PCDHA11: variants seen among roughly 807,000 people sequenced by gnomAD.
The protein encoded by PCDHA11 is protocadherin alpha-11.
Under a neutral mutation model 70.3 loss-of-function variants are expected in PCDHA11, and 61 were observed. The ratio of observed to expected loss-of-function variants is 0.87; its 90% CI spans 0.71 to 1.07. PCDHA11 has a LOEUF of 1.07. Ranked by LOEUF, PCDHA11 falls within the 50% of genes least tolerant of loss-of-function variation. The pLI, the probability that PCDHA11 is intolerant of heterozygous loss-of-function variation, is 0.00. For synonymous variants in PCDHA11, 633 were observed against 555.1 expected (o/e 1.14, Z -1.97); for missense variants, 1,324 against 1,237.5 (o/e 1.07, Z -1.05).
rs202010088 is a variant in PCDHA11 at position 140,869,201 on chromosome 5, A to G, written c.98A>G (p.Tyr33Cys). The change falls in exon 1 of 4, where the codon TAC (tyrosine) becomes TGC (cysteine). Residue 33 changes from tyrosine to cysteine, a missense_variant. By Grantham distance (194) the Tyr-to-Cys change is radical. Transcript: ENST00000398640. Reference protein sequence around the residue: ...FWEVGSGQLHYSVSEEAKHGT... With the variant: ...FWEVGSGQLHCSVSEEAKHGT... ...GAGGTGGGGAGCGGCCAGCTCCACTACTCCGTCTCGGAGGAGGCCAAACAC... is the reference window on the plus strand; with the variant it reads ...GAGGTGGGGAGCGGCCAGCTCCACTGCTCCGTCTCGGAGGAGGCCAAACAC... 1.3e-3 allele frequency: 2,112 copies of G among 1,612,868 alleles called. 36 individuals carry two copies. The highest frequency in any genetic ancestry group is 1.6e-3 in the Admixed American group (96 of 59,934).
Position 141,010,329 on chromosome 5 carries a change from G to A in PCDHA11, c.*392G>A. The A allele has an allele frequency of 6.5e-7, 1 of 1,538,672 alleles. No individual in the cohort carries two copies. Among genetic ancestry groups the A allele is most frequent in the Non-Finnish European group, 8.8e-7 (1 of 1,142,532 alleles). On this transcript the variant is annotated 3_prime_UTR_variant, in exon 4 of 4. Transcript: ENST00000398640. ...AGTTTTGAGATTGAGCAGCTTGGGA[G>A]TTTGTGGCCACTGGGTATGTGTGGC...
intron 2 of PCDHA11, among the ~76,000 whole-genome samples, chr5:140,979,626 A>T (rs2096859120): frequency 2.0e-5 from 3 of 152,204 alleles, no homozygotes; most frequent in Non-Finnish European, 4.4e-5. Flanking sequence ...TTAGTCTAAG[A>T]CTCAGATTAA....
intron 1 of PCDHA11, among the ~76,000 whole-genome samples, chr5:140,921,037 T>C (rs2079983245): frequency 1.3e-5 from 2 of 151,986 alleles, no homozygotes; most frequent in Admixed American, 1.3e-4. Context: ...TGGGGTGCAG[T>C]GGGGCAATCA....
At position 140,884,772 on chromosome 5, in the gene PCDHA11, T is replaced by G. The variant is rs563372954; in HGVS notation, c.2391+13278T>G. 1.9e-5 allele frequency: 27 copies of G among 1,409,818 alleles called. No homozygotes were observed. In the African/African-American group the frequency reaches 3.6e-4, roughly 19 times the overall value. The allele number at this position is 1,409,818 out of a possible 1,614,324, so 87.3% of individuals were successfully genotyped here. On this transcript the variant is annotated intron_variant, in intron 1 of 3. Transcript: ENST00000398640. Reference sequence around the variant, plus strand: ...TTCAAATTATTCTTTACTTTAATTTTAATTTTGCTAGTTGTTATCGAATTT... The same window carrying G: ...TTCAAATTATTCTTTACTTTAATTTGAATTTTGCTAGTTGTTATCGAATTT...
At chr5:140,880,173 C>T (rs2058257400) in intron 1 of PCDHA11, among the ~76,000 whole-genome samples, 1 of 152,006 alleles carries the variant, frequency 6.6e-6, no homozygotes, top group Non-Finnish European at 1.5e-5. Context: ...AGAAGTTAAA[C>T]ATGAAGGGAA....
chr5:140,909,493 G>A (rs989826667), intron 1 of PCDHA11, among the ~76,000 whole-genome samples: 2 of 152,184 alleles, frequency 1.3e-5, no homozygotes, highest in African/African-American at 4.8e-5. Context: ...AGAGCTGAAC[G>A]GGGATGTGGT....
Position 141,010,149 on chromosome 5 carries a change from C to T in PCDHA11, c.*212C>T. 6.3e-7 allele frequency: 1 copy of T among 1,580,088 alleles called. No individual in the cohort carries two copies. Among genetic ancestry groups the T allele is most frequent in the Non-Finnish European group, 8.6e-7 (1 of 1,161,942 alleles). On this transcript the variant is annotated 3_prime_UTR_variant, in exon 4 of 4. Transcript: ENST00000398640. ...GTCTGGTGTTAACTCTTTCTCTCCA[C>T]TCTGGCTTGTTTTCAGAACCTAAAA...
intron 1 of PCDHA11, chr5:140,929,943 A>C (rs996777609): frequency 1.3e-5 from 2 of 152,224 alleles, no homozygotes; most frequent in African/African-American, 4.8e-5. Flanking sequence ...TCTCTAGCCT[A>C]TACTTTTAAT....
intron 1 of PCDHA11, among the ~76,000 whole-genome samples, chr5:140,878,707 A>C (rs1450914173): frequency 2.0e-5 from 3 of 152,232 alleles, no homozygotes; most frequent in Non-Finnish European, 4.4e-5. Context: ...GCCTGGTAGT[A>C]AAGGCATTAA....
In PCDHA11 at chr5:140,868,995, A is replaced by G. The variant is rs944875255; in HGVS notation, c.-109A>G. On this transcript the variant is annotated 5_prime_UTR_variant, in exon 1 of 4. Transcript: ENST00000398640. ...CCATCATACCGGATGCCACCGTTTA[A>G]GGATCCTTTGAAACTTCTTAAGAAT... is the stretch of plus-strand genomic sequence containing the variant. 4.0e-6 allele frequency: 6 copies of G among 1,516,046 alleles called. No individual in the cohort carries two copies. The highest frequency in any genetic ancestry group is 5.3e-6 in the Non-Finnish European group (6 of 1,134,614). The allele number at this position is 1,516,046 out of a possible 1,614,324, so 93.9% of individuals were successfully genotyped here. A position where few individuals can be genotyped will look rare whatever the true frequency, so the allele number is the denominator to read the frequency against.
intron 1 of PCDHA11, chr5:140,927,088 T>C (rs1554204002): frequency 6.2e-7 from 1 of 1,612,662 alleles, no homozygotes; most frequent in Admixed American, 1.7e-5. Context: ...CGAGCTCTAC[T>C]TCGGGGTGGA....
At chr5:140,906,796 T>C (rs1021322398) in intron 1 of PCDHA11, among the ~76,000 whole-genome samples, 1 of 152,236 alleles carries the variant, frequency 6.6e-6, no homozygotes, top group African/African-American at 2.4e-5. Context: ...ATTCCATGCA[T>C]ACTCTTCCTT....
intron 1 of PCDHA11, chr5:140,882,155 T>C (rs1317545188): frequency 1.3e-6 from 2 of 1,504,050 alleles, no homozygotes; most frequent in Admixed American, 2.3e-5. Flanking sequence ...GAAAGCGGAA[T>C]ACCTCTTGCG....
At chr5:140,929,014 C>T (rs1554206582) in intron 1 of PCDHA11, 5 of 1,614,110 alleles carry the variant, frequency 3.1e-6, no homozygotes, top group Non-Finnish European at 4.2e-6. Flanking sequence ...TACCAAGTTG[C>T]ACCAGAGCCC....
intron 3 of PCDHA11, among the ~76,000 whole-genome samples, chr5:141,007,690 C>T (rs2098341020): frequency 6.6e-6 from 1 of 152,224 alleles, no homozygotes; most frequent in Non-Finnish European, 1.5e-5. Flanking sequence ...CCTACTTCCA[C>T]CTCCCTCCTC....
At chr5:140,945,762 G>A (rs570176768) in intron 1 of PCDHA11, among the ~76,000 whole-genome samples, 122 of 152,196 alleles carry the variant, frequency 8.0e-4, no homozygotes, top group South Asian at 2.3e-3. Context: ...ATGGTGGTGG[G>A]ACAATTTGAT....
chr5:140,966,918 A>T, intron 1 of PCDHA11: 1 of 1,602,744 alleles, frequency 6.2e-7, no homozygotes. Flanking sequence ...GTGCCAGAGG[A>T]GCAGGCACCC....
chr5:140,999,995 A>G (rs1174530266), intron 3 of PCDHA11, among the ~76,000 whole-genome samples: 1 of 152,068 alleles, frequency 6.6e-6, no homozygotes, highest in Non-Finnish European at 1.5e-5. Flanking sequence ...GGGTAGTGGT[A>G]TTAGATTGGC....
At chr5:140,949,360 T>G (rs1178484553) in intron 1 of PCDHA11, among the ~76,000 whole-genome samples, 1 of 151,868 alleles carries the variant, frequency 6.6e-6, no homozygotes, top group South Asian at 2.1e-4. Context: ...TTTATTTTTT[T>G]GTCTAGTTGT....
Sources: allele counts gnomAD v4.1 joint callset (sites outside exome capture counted in the v4.1 genomes callset), GRCh38; gene constraint gnomAD v4.1.1; transcripts MANE v1.5; gene names NCBI Gene and HGNC (gene_info 2026-07-23, HGNC 2026-07-21).